Variants in TRPC4AP observed in about 807,000 individuals in gnomAD.
TRPC4AP encodes the protein transient receptor potential cation channel subfamily C member 4 associated protein.
In TRPC4AP, 45 loss-of-function variants were observed where a neutral mutation model predicts 99.0. That is an observed-to-expected ratio of 0.45 (90% CI 0.36 to 0.58). The LOEUF (loss-of-function observed/expected upper bound fraction) is 0.58, where lower values mean the gene tolerates loss of function less well. Ranked by LOEUF, TRPC4AP falls within the 20% of genes least tolerant of loss-of-function variation. TRPC4AP has a pLI of 0.00. For synonymous variants in TRPC4AP, 408 were observed against 385.8 expected (o/e 1.06, Z -0.67); for missense variants, 879 against 985.3 (o/e 0.89, Z 1.44).
intron 3 of TRPC4AP, among the ~76,000 whole-genome samples, chr20:35,065,971 G>A (rs1414101787): frequency 1.3e-5 from 2 of 152,234 alleles, no homozygotes; most frequent in African/African-American, 4.8e-5. Flanking sequence ...ATGCGGAGCA[G>A]CAGTTAAAGA....
intron 16 of TRPC4AP, 128 bp from the exon 17 acceptor site, chr20:35,004,698 C>G (rs535818232): frequency 5.6e-6 from 4 of 708,072 alleles, no homozygotes; most frequent in Admixed American, 2.3e-5. Flanking sequence ...ACAGCTTCAA[C>G]GAAAGCTGAC....
At position 35,055,074 on chromosome 20, in the gene TRPC4AP, A is replaced by C; in HGVS notation, c.473-43T>G. The C allele has an allele frequency of 1.9e-6, 3 of 1,559,156 alleles. No homozygotes were observed. In the South Asian group the frequency reaches 3.4e-5, roughly 17 times the overall value. The stretch of plus-strand genomic sequence containing the variant: ...ATGACTGGTTATTTTTCTCAATGAA[A>C]AGATAGTACAACAGTTACCACATTT... On this transcript the variant is annotated intron_variant, in intron 4 of 18. Coordinates refer to ENST00000252015, the MANE Select transcript of TRPC4AP (RefSeq NM_015638.3).
At chr20:35,028,847 G>A (rs1184598069) in intron 8 of TRPC4AP, among the ~76,000 whole-genome samples, 1 of 152,150 alleles carries the variant, frequency 6.6e-6, no homozygotes, top group Non-Finnish European at 1.5e-5. Context: ...TTTGGGGGCT[G>A]TTTTTGGATG....
intron 7 of TRPC4AP, among the ~76,000 whole-genome samples, chr20:35,038,061 T>C (rs1334415776): frequency 2.1e-5 from 3 of 144,970 alleles, no homozygotes; most frequent in Non-Finnish European, 4.6e-5. Context: ...TTGCCAGCAG[T>C]TGGGGAGAAG....
chr20:35,019,877 C>A (rs189567480), intron 9 of TRPC4AP, among the ~76,000 whole-genome samples: 320 of 152,214 alleles, frequency 2.1e-3, no homozygotes, highest in Non-Finnish European at 3.4e-3. Flanking sequence ...CTCCCCAACA[C>A]CAGGTGTAGG....
intron 7 of TRPC4AP, among the ~76,000 whole-genome samples, chr20:35,039,865 C>CA (rs1265245490): frequency 6.6e-6 from 1 of 151,250 alleles, no homozygotes; most frequent in Non-Finnish European, 1.5e-5. Context: ...AAATGAATCT[C>CA]AAAAAATAAT....
rs559799706 is a variant in TRPC4AP at position 35,038,322 on chromosome 20, G to A, written c.866-3014C>T. Among the ~76,000 whole-genome samples the A allele has an allele frequency of 4.0e-5, 6 of 150,444 alleles. No homozygotes were observed. The South Asian group carries it at 1.3e-3, about 32-fold the overall frequency. On this transcript the variant is annotated intron_variant, in intron 7 of 18. Transcript: ENST00000252015. The stretch of plus-strand genomic sequence containing the variant: ...CAGCTTGGCAAATATAAAAAAGTTT[G>A]ATAATGCTCTGTACTGGGAAAGGCT...
At chr20:35,077,993 C>G (rs1163588067) in intron 2 of TRPC4AP, 53 bp downstream of exon 2, 9 of 1,507,992 alleles carry the variant, frequency 6.0e-6, no homozygotes, top group Non-Finnish European at 8.0e-6. Context: ...CAGCAGACAT[C>G]TTGTGTCACC....
At chr20:35,083,657 T>C (rs1232877869) in intron 1 of TRPC4AP, among the ~76,000 whole-genome samples, 8 of 150,344 alleles carry the variant, frequency 5.3e-5, no homozygotes, top group Non-Finnish European at 3.0e-5. Context: ...TATACTTCTA[T>C]ACCCAGTCAA....
chr20:35,075,737 T>C (rs2084460394), intron 2 of TRPC4AP, among the ~76,000 whole-genome samples: 1 of 152,240 alleles, frequency 6.6e-6, no homozygotes, highest in African/African-American at 2.4e-5. Flanking sequence ...TTATGTGTCT[T>C]GGAGTTCCTC....
At chr20:35,088,941 G>A (rs2084961883) in intron 1 of TRPC4AP, among the ~76,000 whole-genome samples, 1 of 152,112 alleles carries the variant, frequency 6.6e-6, no homozygotes, top group Non-Finnish European at 1.5e-5. Context: ...GGAGAAATGG[G>A]AAGTTGTTCA....
chr20:35,033,109 G>A (rs1600554578), intron 8 of TRPC4AP, among the ~76,000 whole-genome samples: 1 of 152,032 alleles, frequency 6.6e-6, no homozygotes, highest in South Asian at 2.1e-4. Context: ...AGAGAGAACT[G>A]CTTGAACATG....
In TRPC4AP at chr20:35,048,210, C is replaced by CTTTTTTTTTTTTTTT. The variant is rs1487171166; in HGVS notation, c.657+1655_657+1656insAAAAAAAAAAAAAAA. On this transcript the variant is annotated intron_variant, in intron 6 of 18. Coordinates refer to ENST00000252015, the MANE Select transcript of TRPC4AP (RefSeq NM_015638.3). ...TTTTTCATGCTGATTTGTAAGAATT[C>CTTTTTTTTTTTTTTT]TGTTTTTTTTTTTTTTTTTGAGAGG... 2.2e-5 allele frequency among the ~76,000 whole-genome samples: 2 copies of CTTTTTTTTTTTTTTT among 91,442 alleles called. 1 individual carries two copies. Among genetic ancestry groups the CTTTTTTTTTTTTTTT allele is most frequent in the Non-Finnish European group, 4.2e-5 (2 of 47,342 alleles). The allele number at this position is 91,442 out of a possible 152,430, so 60.0% of individuals were successfully genotyped here.
At chr20:35,027,220 T>C (rs1257981095) in intron 8 of TRPC4AP, among the ~76,000 whole-genome samples, 1 of 152,214 alleles carries the variant, frequency 6.6e-6, no homozygotes, top group Non-Finnish European at 1.5e-5. Flanking sequence ...TTTAACAGGC[T>C]GAGGAAGTTC....
At chr20:35,042,838 T>C (rs1409313619) in intron 7 of TRPC4AP, among the ~76,000 whole-genome samples, 1 of 152,178 alleles carries the variant, frequency 6.6e-6, no homozygotes, top group Non-Finnish European at 1.5e-5. Flanking sequence ...TGTTTTTAAG[T>C]AATATATTTA....
Position 35,032,313 on chromosome 20 carries a change from C to T in TRPC4AP, c.1051+2810G>A, listed in dbSNP as rs192501035. Among the ~76,000 whole-genome samples, 1,019 of 149,366 alleles carry T rather than the reference C, an allele frequency of 6.8e-3. 10 individuals carry two copies. Among genetic ancestry groups the T allele is most frequent in the African/African-American group, 0.022 (902 of 40,756 alleles). On this transcript the variant is annotated intron_variant, in intron 8 of 18. Transcript: ENST00000252015. ...GTGCTGGGATTACAGGTGTGAGCCACCACACCTGGCCTGATTATTATACTA... is the reference window on the plus strand; with the variant it reads ...GTGCTGGGATTACAGGTGTGAGCCATCACACCTGGCCTGATTATTATACTA...
intron 10 of TRPC4AP, among the ~76,000 whole-genome samples, chr20:35,014,694 C>T (rs947221591): frequency 2.0e-5 from 3 of 152,122 alleles, no homozygotes; most frequent in Admixed American, 6.5e-5. Flanking sequence ...GAAGACAGGT[C>T]GCTGAGGGAA....
intron 3 of TRPC4AP, among the ~76,000 whole-genome samples, chr20:35,066,244 G>A (rs891952644): frequency 1.3e-5 from 2 of 151,952 alleles, no homozygotes; most frequent in Non-Finnish European, 2.9e-5. Context: ...AACTGGGACT[G>A]CAGGCCATGT....
At chr20:35,055,528 T>C (rs1266483965) in intron 4 of TRPC4AP, among the ~76,000 whole-genome samples, 1 of 152,212 alleles carries the variant, frequency 6.6e-6, no homozygotes, top group Non-Finnish European at 1.5e-5. Flanking sequence ...GTTCATTTGT[T>C]TTGGTTTTTT....
Sources: gnomAD v4.1 joint callset for allele counts (sites outside exome capture counted in the v4.1 genomes callset) on GRCh38, gnomAD v4.1.1 for gene constraint, MANE v1.5 for transcripts, NCBI Gene and HGNC (gene_info 2026-07-23, HGNC 2026-07-21) for gene names.